GPR176: variants seen among roughly 807,000 people sequenced by gnomAD.
The protein encoded by GPR176 is G protein-coupled receptor 176.
Under a neutral mutation model 35.4 loss-of-function variants are expected in GPR176, and 26 were observed. The observed-to-expected ratio is 0.74, with a 90% CI of 0.54 to 1.02. GPR176 has a LOEUF of 1.02. Among genes scored for constraint, GPR176 ranks in the 50% least tolerant of loss-of-function variants. GPR176 has a pLI of 0.00. For missense variants in GPR176, 597 were observed against 665.3 expected (o/e 0.90, Z 1.13); for synonymous variants, 278 against 271.3 (o/e 1.02, Z -0.24).
At chr15:39,915,390 C>T (rs939606312) in intron 1 of GPR176, among the ~76,000 whole-genome samples, 1 of 152,156 alleles carries the variant, frequency 6.6e-6, no homozygotes, top group Non-Finnish European at 1.5e-5. Flanking sequence ...ATGACCTCAT[C>T]TAAACCTAAT....
chr15:39,833,212 G>A (rs1228036252), intron 1 of GPR176, among the ~76,000 whole-genome samples: 1 of 152,128 alleles, frequency 6.6e-6, no homozygotes, highest in Middle Eastern at 3.2e-3. Flanking sequence ...AATGTTCATA[G>A]CAGCCCTCTT....
At chr15:39,895,596 T>C (rs1018943258) in intron 1 of GPR176, among the ~76,000 whole-genome samples, 28 of 152,172 alleles carry the variant, frequency 1.8e-4, no homozygotes, top group Non-Finnish European at 3.5e-4. Flanking sequence ...AAGAGAACAT[T>C]AGGCTAGATA....
At chr15:39,864,479 T>C (rs1472312903) in intron 1 of GPR176, among the ~76,000 whole-genome samples, 1 of 152,002 alleles carries the variant, frequency 6.6e-6, no homozygotes, top group Admixed American at 6.6e-5. Flanking sequence ...TCTCACCATA[T>C]ACAAAAATCA....
intron 1 of GPR176, among the ~76,000 whole-genome samples, chr15:39,904,353 A>G (rs1309685411): frequency 6.6e-6 from 1 of 152,238 alleles, no homozygotes; most frequent in East Asian, 1.9e-4. Context: ...TCAGAAGCAG[A>G]AAATTCTACC....
Position 39,907,378 on chromosome 15 carries a change from C to T in GPR176, c.172+12477G>A, listed in dbSNP as rs1292525887. Among the ~76,000 whole-genome samples the T allele has an allele frequency of 3.9e-5, 6 of 152,296 alleles. No homozygotes were observed. In the South Asian group the frequency reaches 6.2e-4, roughly 16 times the overall value. ...CTGGGCTTTGTGCTAACAAAGCTCCCGCTCTGCCCTCCAAGCCCTGAGCTT... is the reference window on the plus strand; with the variant it reads ...CTGGGCTTTGTGCTAACAAAGCTCCTGCTCTGCCCTCCAAGCCCTGAGCTT... On this transcript the variant is annotated intron_variant, in intron 1 of 2. Transcript: ENST00000561100.
chr15:39,885,463 A>G (rs1566962394), intron 1 of GPR176, among the ~76,000 whole-genome samples: 1 of 152,214 alleles, frequency 6.6e-6, no homozygotes, highest in Non-Finnish European at 1.5e-5. Flanking sequence ...GAGGTCTCCA[A>G]AGTAAATTAG....
At chr15:39,876,234 C>T (rs2032241218) in intron 1 of GPR176, among the ~76,000 whole-genome samples, 1 of 152,022 alleles carries the variant, frequency 6.6e-6, no homozygotes, top group East Asian at 1.9e-4. Flanking sequence ...ATAAATGCTT[C>T]AGCTGCATAA....
At chr15:39,917,547 G>A (rs1302312063) in intron 1 of GPR176, among the ~76,000 whole-genome samples, 1 of 151,640 alleles carries the variant, frequency 6.6e-6, no homozygotes, top group Non-Finnish European at 1.5e-5. Context: ...TGTTGGCCAG[G>A]CTGGTCTCAA....
chr15:39,920,088 C>T lies in GPR176; in HGVS notation c.-62G>A. 1 of 1,168,458 alleles carries T rather than the reference C, an allele frequency of 8.6e-7. No homozygotes were observed. Among genetic ancestry groups the T allele is most frequent in the Non-Finnish European group, 1.1e-6 (1 of 911,846 alleles). The allele number at this position is 1,168,458 out of a possible 1,614,324, so 72.4% of individuals were successfully genotyped here. A position where few individuals can be genotyped will look rare whatever the true frequency, so the allele number is the denominator to read the frequency against. ...CTCGGAGCCCCGCGCGGAGCCTCTC[C>T]TCCTCCGGGTGAGGAGGGACGCGCG... On this transcript the variant is annotated 5_prime_UTR_variant, in exon 1 of 3. Coordinates refer to ENST00000561100, the MANE Select transcript of GPR176 (RefSeq NM_007223.3).
chr15:39,822,902 G>A (rs972456825), intron 1 of GPR176, among the ~76,000 whole-genome samples: 28 of 152,174 alleles, frequency 1.8e-4, no homozygotes, highest in African/African-American at 6.8e-4. Context: ...CTGAGGGCTA[G>A]GCCTATGGGA....
chr15:39,803,271 C>CTTTTTTTTT (rs769645892), intron 2 of GPR176, among the ~76,000 whole-genome samples: 1 of 85,576 alleles, frequency 1.2e-5, no homozygotes, highest in Non-Finnish European at 2.3e-5. Context: ...ACAAGTACTT[C>CTTTTTTTTT]TTTTTTTTTT....
intron 1 of GPR176, among the ~76,000 whole-genome samples, chr15:39,827,325 G>C (rs1484810976): frequency 6.6e-6 from 1 of 152,168 alleles, no homozygotes; most frequent in Non-Finnish European, 1.5e-5. Flanking sequence ...TACATGTAGG[G>C]CTTTACTGTG....
intron 1 of GPR176, among the ~76,000 whole-genome samples, chr15:39,841,263 G>A (rs2029951191): frequency 6.6e-6 from 1 of 152,090 alleles, no homozygotes; most frequent in African/African-American, 2.4e-5. Context: ...TGATGTCTAG[G>A]TGTGAGGCTC....
At chr15:39,818,966 C>A (rs1055233448) in intron 1 of GPR176, among the ~76,000 whole-genome samples, 1 of 152,190 alleles carries the variant, frequency 6.6e-6, no homozygotes, top group Non-Finnish European at 1.5e-5. Flanking sequence ...TTGAGAAGCA[C>A]ATTATTCTCT....
intron 1 of GPR176, among the ~76,000 whole-genome samples, chr15:39,861,296 A>G (rs550511517): frequency 1.3e-5 from 2 of 152,334 alleles, no homozygotes; most frequent in East Asian, 3.9e-4. Context: ...TCACACCTGT[A>G]ATCCCAGCAC....
chr15:39,805,411 G>GAA (rs567549075), intron 2 of GPR176, among the ~76,000 whole-genome samples: 18 of 144,654 alleles, frequency 1.2e-4, no homozygotes, highest in Admixed American at 6.9e-4. Flanking sequence ...AATACTTTTT[G>GAA]AAAAAAAAAA....
intron 1 of GPR176, among the ~76,000 whole-genome samples, chr15:39,888,586 G>A (rs192058130): frequency 1.6e-4 from 24 of 152,284 alleles, no homozygotes; most frequent in Admixed American, 1.3e-4. Context: ...GAGCCACCTT[G>A]CCCAGCTTAT....
chr15:39,824,824 T>C (rs1900516597), intron 1 of GPR176, among the ~76,000 whole-genome samples: 1 of 152,192 alleles, frequency 6.6e-6, no homozygotes, highest in African/African-American at 2.4e-5. Flanking sequence ...AGCTCAACAT[T>C]TTATCCCTCT....
At chr15:39,829,125 G>A in intron 1 of GPR176, 1 of 1,435,816 alleles carries the variant, frequency 7.0e-7, no homozygotes, top group Non-Finnish European at 9.5e-7. Flanking sequence ...CATTCAGACA[G>A]AAGCAGTTGA....
Sources: allele counts gnomAD v4.1 joint callset (sites outside exome capture counted in the v4.1 genomes callset), GRCh38; gene constraint gnomAD v4.1.1; transcripts MANE v1.5; gene names NCBI Gene and HGNC (gene_info 2026-07-23, HGNC 2026-07-21).